Variants in CHSY1 observed in about 807,000 individuals in gnomAD.
CHSY1 encodes the protein chondroitin sulfate synthase 1, also known as N-acetylgalactosaminyl-proteoglycan 3-beta-glucuronosyltransferase 1.
CHSY1 carries 13 observed loss-of-function variants against 59.8 expected under a neutral mutation model. That is an observed-to-expected ratio of 0.22 (90% CI 0.14 to 0.35). The LOEUF (loss-of-function observed/expected upper bound fraction) is 0.35, where lower values mean the gene tolerates loss of function less well. Among genes scored for constraint, CHSY1 ranks in the 10% least tolerant of loss-of-function variants. The probability of loss-of-function intolerance (pLI) is 1.00; values close to 1 mark genes in which losing one functional copy is unlikely to be tolerated. For synonymous variants in CHSY1, 459 were observed against 401.2 expected (o/e 1.14, Z -1.72); for missense variants, 947 against 1,030.6 (o/e 0.92, Z 1.11).
intron 2 of CHSY1, among the ~76,000 whole-genome samples, chr15:101,183,809 A>G (rs2038313782): frequency 6.6e-6 from 1 of 152,360 alleles, no homozygotes; most frequent in Admixed American, 6.5e-5. Context: ...AGGTCTTTAA[A>G]CAGAGCAAGT....
intron 2 of CHSY1, among the ~76,000 whole-genome samples, chr15:101,202,036 A>G (rs546934843): frequency 2.0e-4 from 30 of 152,354 alleles, no homozygotes; most frequent in African/African-American, 6.7e-4. Context: ...AGCTTTAGCA[A>G]TTTCAGAAGC....
intron 2 of CHSY1, among the ~76,000 whole-genome samples, chr15:101,215,841 G>A (rs1197321533): frequency 1.3e-5 from 2 of 152,194 alleles, no homozygotes; most frequent in East Asian, 3.8e-4. Flanking sequence ...AACATGGAAT[G>A]TGATAATCTT....
intron 2 of CHSY1, among the ~76,000 whole-genome samples, chr15:101,197,281 A>G (rs2038518836): frequency 2.0e-5 from 3 of 152,238 alleles, no homozygotes; most frequent in Non-Finnish European, 4.4e-5. Flanking sequence ...CTGGAAGCCC[A>G]TTAATTATGT....
At chr15:101,234,941 A>T in intron 2 of CHSY1, 141 bp downstream of exon 2, 3 of 1,093,854 alleles carry the variant, frequency 2.7e-6, no homozygotes, top group Admixed American at 2.4e-5. Context: ...TTTTTTTTTT[A>T]ATCTAAGGCT....
intron 2 of CHSY1, among the ~76,000 whole-genome samples, chr15:101,180,201 A>G (rs2038257862): frequency 6.6e-6 from 1 of 152,264 alleles, no homozygotes; most frequent in African/African-American, 2.4e-5. Flanking sequence ...CTCATAAGGT[A>G]AAAAGTAAAC....
At chr15:101,235,914 C>T (rs1309045701) in intron 1 of CHSY1, among the ~76,000 whole-genome samples, 3 of 152,080 alleles carry the variant, frequency 2.0e-5, no homozygotes, top group Admixed American at 2.0e-4. Flanking sequence ...AACTTCTCAA[C>T]TCTATAAAAC....
rs190992415 is a variant in CHSY1, at chr15:101,179,766, C to T, written c.817-786G>A. On this transcript the variant is annotated intron_variant, in intron 2 of 2. Coordinates refer to ENST00000254190, the MANE Select transcript of CHSY1 (RefSeq NM_014918.5). ...AAACATGCAGGACGCACAGGGCTCA[C>T]CATTCCACCAACCCTGCCTCCGCCC... Among the ~76,000 whole-genome samples the T allele has an allele frequency of 2.0e-5, 3 of 152,348 alleles. No individual in the cohort carries two copies. The East Asian group carries it at 5.8e-4, about 29-fold the overall frequency.
At chr15:101,186,213 C>G (rs1199697077) in intron 2 of CHSY1, among the ~76,000 whole-genome samples, 1 of 147,614 alleles carries the variant, frequency 6.8e-6, no homozygotes, top group Non-Finnish European at 1.5e-5. Context: ...CCAGCTACTT[C>G]AGAGGCTGAG....
intron 2 of CHSY1, among the ~76,000 whole-genome samples, chr15:101,193,813 A>G (rs2038475339): frequency 6.6e-6 from 1 of 152,166 alleles, no homozygotes; most frequent in South Asian, 2.1e-4. Flanking sequence ...ACACCAGGAG[A>G]GTGTGCATCT....
chr15:101,230,997 T>C (rs2038887256), intron 2 of CHSY1, among the ~76,000 whole-genome samples: 1 of 152,146 alleles, frequency 6.6e-6, no homozygotes, highest in African/African-American at 2.4e-5. Flanking sequence ...ACTGGTGTAT[T>C]TTGGTGTGCG....
intron 2 of CHSY1, among the ~76,000 whole-genome samples, chr15:101,196,966 G>T (rs1022066026): frequency 2.0e-5 from 3 of 152,206 alleles, no homozygotes. Flanking sequence ...ACAAAAAGGG[G>T]CAAAGCATGT....
chr15:101,184,788 C>A (rs540482111), intron 2 of CHSY1, among the ~76,000 whole-genome samples: 1 of 152,330 alleles, frequency 6.6e-6, no homozygotes, highest in East Asian at 1.9e-4. Context: ...CCCAGACTGG[C>A]TGGTGGCCCC....
At chr15:101,196,649 G>T (rs2038510075) in intron 2 of CHSY1, among the ~76,000 whole-genome samples, 2 of 151,922 alleles carry the variant, frequency 1.3e-5, no homozygotes, top group African/African-American at 4.8e-5. Context: ...TACACTATGC[G>T]AACTATAGGA....
Position 101,250,941 on chromosome 15 carries a change from C to T in CHSY1, c.320+196G>A, listed in dbSNP as rs74041922. ...TCCATCTGACCCCAAAGGCCATGTT[C>T]CTGAGCGCCGCGCTCACCATCCCGC... is the stretch of plus-strand genomic sequence containing the variant. On this transcript the variant is annotated intron_variant, in intron 1 of 2. Coordinates refer to ENST00000254190, the MANE Select transcript of CHSY1 (RefSeq NM_014918.5). Among the ~76,000 whole-genome samples the T allele has an allele frequency of 0.04, 6,077 of 152,312 alleles. 359 individuals are homozygous for T. Among genetic ancestry groups the T allele is most frequent in the East Asian group, 0.19 (987 of 5,174 alleles).
At chr15:101,244,483 T>C (rs143438722) in intron 1 of CHSY1, among the ~76,000 whole-genome samples, 1 of 152,352 alleles carries the variant, frequency 6.6e-6, no homozygotes, top group African/African-American at 2.4e-5. Flanking sequence ...GTGCTCAAAA[T>C]GGAATGCAGT....
At chr15:101,218,147 G>A (rs542409482) in intron 2 of CHSY1, among the ~76,000 whole-genome samples, 145 of 152,254 alleles carry the variant, frequency 9.5e-4, no homozygotes, top group Non-Finnish European at 1.5e-3. Context: ...CCTCAAAACC[G>A]TCAAGATCAT....
At chr15:101,204,389 G>A (rs542896080) in intron 2 of CHSY1, among the ~76,000 whole-genome samples, 87 of 151,518 alleles carry the variant, frequency 5.7e-4, no homozygotes, top group African/African-American at 2.0e-3. Flanking sequence ...AGTCGAGATC[G>A]TGCCATTGCA....
rs769991148 is a variant in CHSY1 at position 101,178,600 on chromosome 15, G to A, written c.1197C>T (p.Ser399=). 15 of 1,614,072 alleles carry A rather than the reference G, an allele frequency of 9.3e-6. No homozygotes were observed. Among genetic ancestry groups the A allele is most frequent in the Non-Finnish European group, 1.1e-5 (13 of 1,180,046 alleles). The change falls in exon 3 of 3, where the codon TCC becomes TCT. Residue 399 remains serine (S), a synonymous_variant. Transcript: ENST00000254190. ...TGTCGTCCAAGGCTTCCCTCTGGGC[G>A]GAGTCCATTCCTCTTCGAGGGGGCT... is the stretch of plus-strand genomic sequence containing the variant. ...DGQPPRRGMD[S]AQREALDDIV...
rs770100412 is a variant in CHSY1, at chr15:101,251,124, A to C, written c.320+13T>G. 6 of 1,566,946 alleles carry C rather than the reference A, an allele frequency of 3.8e-6. No homozygotes were observed. Among genetic ancestry groups the C allele is most frequent in the Non-Finnish European group, 5.2e-6 (6 of 1,161,054 alleles). ...CGGACGCAGGAGGCGGTGCCCGGGG[A>C]GCAGGGGCTCACCTGTAGGCGGCCA... On this transcript the variant is annotated intron_variant, in intron 1 of 2. Transcript: ENST00000254190.
Sources: gnomAD v4.1 joint callset for allele counts (sites outside exome capture counted in the v4.1 genomes callset) on GRCh38, gnomAD v4.1.1 for gene constraint, MANE v1.5 for transcripts, NCBI Gene and HGNC (gene_info 2026-07-23, HGNC 2026-07-21) for gene names.